Variants in STX3 observed in about 807,000 individuals in gnomAD.
STX3 encodes syntaxin-3.
STX3 carries 19 observed loss-of-function variants against 40.2 expected under a neutral mutation model. The ratio of observed to expected loss-of-function variants is 0.47; its 90% CI spans 0.33 to 0.69. The LOEUF (loss-of-function observed/expected upper bound fraction) is 0.69, where lower values mean the gene tolerates loss of function less well. Among genes scored for constraint, STX3 ranks in the 30% least tolerant of loss-of-function variants. The pLI is 0.02. For missense variants in STX3, 364 were observed against 366.7 expected, an observed-to-expected ratio of 0.99 and a Z score of 0.06; for synonymous variants, 122 against 132.2, an observed-to-expected ratio of 0.92 and a Z score of 0.53.
intron 6 of STX3, 49 bp downstream of exon 6, chr11:59,792,264 G>T: frequency 1.3e-6 from 2 of 1,541,338 alleles, no homozygotes; most frequent in Non-Finnish European, 1.8e-6. Context: ...CTGCCACCTG[G>T]TTGTCCATCC....
At position 59,755,593 on chromosome 11, in the gene STX3, C is replaced by CCTGGGCTTCAGGATGAAGGACCGT. The variant is rs1174883420; in HGVS notation, c.-8_16dup. The CCTGGGCTTCAGGATGAAGGACCGT allele has an allele frequency of 6.3e-7, 1 of 1,593,394 alleles. No individual in the cohort carries two copies. Among genetic ancestry groups the CCTGGGCTTCAGGATGAAGGACCGT allele is most frequent in the Non-Finnish European group, 8.5e-7 (1 of 1,176,258 alleles). ...GGGACGCGCTACCTGCCTCCGGGCG[C>CCTGGGCTTCAGGATGAAGGACCGT]CTGGGCTTCAGGATGAAGGACCGTC... On this transcript the variant is annotated 5_prime_UTR_variant, in exon 1 of 11. It adds an upstream start codon to the 5' untranslated region. Coordinates refer to ENST00000337979, the MANE Select transcript of STX3 (RefSeq NM_004177.5).
In STX3 at chr11:59,801,390, C is replaced by A; in HGVS notation, c.*566C>A. ...GCAGATGTCATTTTGGTCTAAAGAGCTGACTTGTTTGAAATTCAGCCTTAA... is the reference window on the plus strand; with the variant it reads ...GCAGATGTCATTTTGGTCTAAAGAGATGACTTGTTTGAAATTCAGCCTTAA... On this transcript the variant is annotated 3_prime_UTR_variant, in exon 11 of 11. Transcript: ENST00000337979. The A allele has an allele frequency of 2.0e-6, 2 of 987,884 alleles. No homozygotes were observed. The highest frequency in any genetic ancestry group is 2.4e-6 in the Non-Finnish European group (2 of 831,218). 61.2% of individuals were successfully genotyped at this position (987,884 alleles called of 1,614,324 possible). A position where few individuals can be genotyped will look rare whatever the true frequency, so the allele number is the denominator to read the frequency against.
intron 10 of STX3, chr11:59,800,240 C>G: frequency 2.0e-6 from 2 of 985,342 alleles, no homozygotes; most frequent in South Asian, 9.4e-5. Flanking sequence ...CCATGTCACC[C>G]AAGGGAGAGA....
intron 3 of STX3, among the ~76,000 whole-genome samples, chr11:59,787,753 G>A (rs1864868117): frequency 6.6e-6 from 1 of 152,324 alleles, no homozygotes; most frequent in African/African-American, 2.4e-5. Context: ...AGAAAGGTTT[G>A]TGCATAATTT....
chr11:59,782,630 G>C (rs987803689), intron 2 of STX3, among the ~76,000 whole-genome samples: 1 of 152,062 alleles, frequency 6.6e-6, no homozygotes, highest in African/African-American at 2.4e-5. Flanking sequence ...ACTGGAACCT[G>C]GTCTGTTTGA....
intron 7 of STX3, 26 bp from the exon 8 acceptor site, chr11:59,793,354 A>C: frequency 1.9e-6 from 3 of 1,607,804 alleles, no homozygotes; most frequent in Non-Finnish European, 1.7e-6. Flanking sequence ...AGGGGTAGCT[A>C]ACAGTCTGTG....
chr11:59,800,073 G>A, intron 10 of STX3: 1 of 985,400 alleles, frequency 1.0e-6, no homozygotes, highest in Non-Finnish European at 1.2e-6. Flanking sequence ...CCTCAAAGAG[G>A]AGCAGACTAA....
chr11:59,800,595 C>T, intron 10 of STX3: 1 of 985,426 alleles, frequency 1.0e-6, no homozygotes. Flanking sequence ...CTTCCCACCA[C>T]GTCCTTCCAT....
In STX3 at chr11:59,769,829, CGTGT is replaced by C. The variant is rs148844771; in HGVS notation, c.31-3363_31-3360del. Among the ~76,000 whole-genome samples, 903 of 148,530 alleles carry C rather than the reference CGTGT, an allele frequency of 6.1e-3. 5 individuals carry two copies. Among genetic ancestry groups the C allele is most frequent in the African/African-American group, 0.021 (838 of 40,358 alleles). ...CTGAATTGATGTCTTATAGTGTACA[CGTGT>C]GTGTGTGTGTGTGTGTGTATGTATG... On this transcript the variant is annotated intron_variant, in intron 1 of 10. Coordinates refer to ENST00000337979, the MANE Select transcript of STX3 (RefSeq NM_004177.5).
At position 59,787,045 on chromosome 11, in the gene STX3, A is replaced by T. The variant is rs1001410379; in HGVS notation, c.123A>T (p.Glu41Asp). Residue 41 changes from glutamate to aspartate, a missense_variant, in exon 3 of 11, where the codon GAA (glutamate) becomes GAT (aspartate). Physicochemically the swap from Glu to Asp is conservative, Grantham distance 45 (BLOSUM62 2). Coordinates refer to ENST00000337979, the MANE Select transcript of STX3 (RefSeq NM_004177.5). ...TGTCTTTCTGATTATAGATTGAGGA[A>T]ACTCGGCTTAACATTGACAAGATCT... is the stretch of plus-strand genomic sequence containing the variant. Reference protein sequence around the residue: ...FMDEFFSEIEETRLNIDKISE... With the variant: ...FMDEFFSEIEDTRLNIDKISE... 4.3e-6 allele frequency: 7 copies of T among 1,613,900 alleles called. No homozygotes were observed. Among genetic ancestry groups the T allele is most frequent in the Non-Finnish European group, 5.9e-6 (7 of 1,179,904 alleles).
Position 59,802,460 on chromosome 11 carries a change from C to T in STX3, c.*1636C>T. 1.0e-6 allele frequency: 1 copy of T among 985,862 alleles called. No individual in the cohort carries two copies. Among genetic ancestry groups the T allele is most frequent in the Non-Finnish European group, 1.2e-6 (1 of 829,948 alleles). The allele number at this position is 985,862 out of a possible 1,614,324, so 61.1% of individuals were successfully genotyped here. ...AGGCTACTTATGGCCGGTCACAATC[C>T]AGCACTCAGACAGAGCCAAGGCAAT... On this transcript the variant is annotated 3_prime_UTR_variant, in exon 11 of 11. Transcript: ENST00000337979.
chr11:59,785,875 T>G (rs1422176974), intron 2 of STX3, among the ~76,000 whole-genome samples: 3 of 152,182 alleles, frequency 2.0e-5, no homozygotes, highest in Non-Finnish European at 4.4e-5. Flanking sequence ...GGTCTCTCCT[T>G]CCTGCCCTGC....
chr11:59,793,807 ATT>A (rs67072921), intron 8 of STX3, among the ~76,000 whole-genome samples: 8 of 134,364 alleles, frequency 6.0e-5, no homozygotes, highest in Admixed American at 7.4e-5. Flanking sequence ...TGGATTTTTG[ATT>A]TTTTTTTTTT....
At chr11:59,789,417 G>A (rs897089104) in intron 4 of STX3, among the ~76,000 whole-genome samples, 2 of 150,682 alleles carry the variant, frequency 1.3e-5, no homozygotes, top group Non-Finnish European at 3.0e-5. Flanking sequence ...TCTCTTATTG[G>A]TCTTATTTCC....
intron 2 of STX3, among the ~76,000 whole-genome samples, chr11:59,785,829 T>G (rs1864726464): frequency 6.6e-6 from 1 of 152,216 alleles, no homozygotes; most frequent in South Asian, 2.1e-4. Context: ...TGCCCTTCAC[T>G]TTGAGAGTGA....
Position 59,801,488 on chromosome 11 carries a change from C to G in STX3, c.*664C>G, listed in dbSNP as rs1865885747. ...TGTGTTGTAGTCTCTCATATTTACTCAAGGAGGGACCAGGATGATACAGTC... is the reference window on the plus strand; with the variant it reads ...TGTGTTGTAGTCTCTCATATTTACTGAAGGAGGGACCAGGATGATACAGTC... On this transcript the variant is annotated 3_prime_UTR_variant, in exon 11 of 11. Coordinates refer to ENST00000337979, the MANE Select transcript of STX3 (RefSeq NM_004177.5). The G allele has an allele frequency of 2.0e-6, 2 of 985,756 alleles. No homozygotes were observed. The highest frequency in any genetic ancestry group is 2.4e-6 in the Non-Finnish European group (2 of 830,210). 61.1% of individuals were successfully genotyped at this position (985,756 alleles called of 1,614,324 possible). A position where few individuals can be genotyped will look rare whatever the true frequency, so the allele number is the denominator to read the frequency against.
intron 2 of STX3, chr11:59,781,648 C>T: frequency 6.2e-7 from 1 of 1,612,184 alleles, no homozygotes; most frequent in Non-Finnish European, 8.5e-7. Context: ...ACTCCTAGCT[C>T]CTTCATGTAT....
Position 59,802,333 on chromosome 11 carries a change from T to C in STX3, c.*1509T>C, listed in dbSNP as rs187750103. The stretch of plus-strand genomic sequence containing the variant: ...CCCCTGCTGGTCTCTGGCAGTCTCC[T>C]TGATTTTGGGTACCATGTATATTTT... On this transcript the variant is annotated 3_prime_UTR_variant, in exon 11 of 11. Transcript: ENST00000337979. The C allele has an allele frequency of 5.5e-4, 539 of 985,500 alleles. 1 individual carries two copies. In the Admixed American group the frequency reaches 5.6e-3, roughly 10 times the overall value. The allele number at this position is 985,500 out of a possible 1,614,324, so 61.0% of individuals were successfully genotyped here.
rs1865449841 is a variant in STX3, at chr11:59,795,383, A to G, written c.687A>G (p.Leu229=). The G allele has an allele frequency of 1.2e-6, 2 of 1,612,746 alleles. No individual in the cohort carries two copies. Among genetic ancestry groups the G allele is most frequent in the South Asian group, 1.1e-5 (1 of 90,586 alleles). The change falls in exon 9 of 11, where the codon TTA becomes TTG. Residue 229 remains leucine, a synonymous_variant. Transcript: ENST00000337979. ...AMLVENQGEM[L]DNIELNVMHT... is the part of the protein sequence containing the mutation. ...TCTGTTCTTTGCAGGGTGAGATGTT[A>G]GATAACATAGAGTTGAATGTCATGC...
Sources: gnomAD v4.1 joint callset for allele counts (sites outside exome capture counted in the v4.1 genomes callset) on GRCh38, gnomAD v4.1.1 for gene constraint, MANE v1.5 for transcripts, NCBI Gene and HGNC (gene_info 2026-07-23, HGNC 2026-07-21) for gene names.